The following FBRSL1 variants were observed in gnomAD, a reference collection of about 807,000 sequenced individuals.
FBRSL1 encodes the protein fibrosin like 1, also known as fibrosin-1-like protein.
A neutral mutation model predicts 89.6 loss-of-function variants in FBRSL1; 51 were observed. That is an observed-to-expected ratio of 0.57 (90% CI 0.45 to 0.72). The LOEUF (loss-of-function observed/expected upper bound fraction) is 0.72, where lower values mean the gene tolerates loss of function less well. FBRSL1 is among the 30% of genes least tolerant of loss of function. The pLI is 0.00. For missense variants in FBRSL1, 1,618 were observed against 1,451.8 expected (o/e 1.11, Z -1.86); for synonymous variants, 779 against 681.1 (o/e 1.14, Z -2.24).
chr12:132,572,469 G>C, intron 10 of FBRSL1, 58 bp from the exon 11 acceptor site: 1 of 1,493,134 alleles, frequency 6.7e-7, no homozygotes, highest in Non-Finnish European at 9.1e-7. Flanking sequence ...TCTGGTTACA[G>C]GCAGAGGGTG....
chr12:132,543,882 G>C (rs933382011), intron 4 of FBRSL1, among the ~76,000 whole-genome samples: 2 of 152,220 alleles, frequency 1.3e-5, no homozygotes, highest in African/African-American at 2.4e-5. Context: ...GGGGCAGATA[G>C]AGCTTCCCAG....
chr12:132,506,836 T>C (rs2033743472), intron 1 of FBRSL1, among the ~76,000 whole-genome samples: 1 of 152,124 alleles, frequency 6.6e-6, no homozygotes, highest in African/African-American at 2.4e-5. Context: ...GCAGAGAGCA[T>C]ATGGCGGGAG....
chr12:132,538,890 C>G (rs1404453883), intron 4 of FBRSL1, among the ~76,000 whole-genome samples: 2 of 152,134 alleles, frequency 1.3e-5, no homozygotes, highest in Admixed American at 1.3e-4. Context: ...CCTCCACCTC[C>G]CAGGACAGCG....
chr12:132,539,222 C>T (rs1447263192), intron 4 of FBRSL1, among the ~76,000 whole-genome samples: 4 of 152,054 alleles, frequency 2.6e-5, no homozygotes, highest in Admixed American at 6.5e-5. Flanking sequence ...GGGGAGCGGG[C>T]GGAGAGTGTC....
At chr12:132,548,577 C>G (rs1593441261) in intron 5 of FBRSL1, among the ~76,000 whole-genome samples, 1 of 152,358 alleles carries the variant, frequency 6.6e-6, no homozygotes, top group Non-Finnish European at 1.5e-5. Context: ...AGCCACGTCC[C>G]CTCAGCCTCG....
intron 5 of FBRSL1, among the ~76,000 whole-genome samples, chr12:132,560,676 T>G (rs2039046583): frequency 1.3e-5 from 2 of 152,144 alleles, no homozygotes; most frequent in Admixed American, 1.3e-4. Flanking sequence ...AAGCGCGCCC[T>G]GACCTCCGCC....
intron 2 of FBRSL1, chr12:132,511,984 ATGTGTCT>A: frequency 1.0e-6 from 1 of 985,478 alleles, no homozygotes; most frequent in Non-Finnish European, 1.2e-6. Flanking sequence ...ACAGACGAGC[ATGTGTCT>A]TACGTGATTT....
chr12:132,550,188 C>T (rs1397214463), intron 5 of FBRSL1, among the ~76,000 whole-genome samples: 1 of 150,894 alleles, frequency 6.6e-6, no homozygotes, highest in Non-Finnish European at 1.5e-5. Flanking sequence ...GCCACAGGTC[C>T]TGAGGAGGAC....
chr12:132,574,158 G>A lies in FBRSL1; in HGVS notation c.1599G>A (p.Gly533=). The A allele has an allele frequency of 2.1e-6, 3 of 1,421,126 alleles. No individual in the cohort carries two copies. The highest frequency in any genetic ancestry group is 1.5e-5 in the South Asian group (1 of 65,926). The allele number at this position is 1,421,126 out of a possible 1,614,324, so 88.0% of individuals were successfully genotyped here. A position where few individuals can be genotyped will look rare whatever the true frequency, so the allele number is the denominator to read the frequency against. ...ACACACTCCTGCAGAAAGCGCCTGG[G>A]GTAGGTGTTAGTGGGCGCCCGTCCC... ...AVHTLLQKAP[G]VSDPYRAVVK... Residue 533 remains glycine (G), a splice_region_variant and synonymous_variant, in exon 12 of 19, where the codon GGG becomes GGA. Transcript: ENST00000680143.
rs1158642057 is a variant in FBRSL1 at position 132,497,305 on chromosome 12, G to A, written c.291+6444G>A. Reference sequence around the variant, plus strand: ...GAGGGAGAGGTCATGGGACCACCTCGCTAGGAGTGGAGGCTGGGGGAGAGG... The same window carrying A: ...GAGGGAGAGGTCATGGGACCACCTCACTAGGAGTGGAGGCTGGGGGAGAGG... On this transcript the variant is annotated intron_variant, in intron 1 of 18. Transcript: ENST00000680143. Among the ~76,000 whole-genome samples the A allele has an allele frequency of 2.6e-5, 4 of 152,262 alleles. No individual in the cohort carries two copies. The South Asian group carries it at 6.2e-4, about 24-fold the overall frequency.
chr12:132,574,797 G>A (rs2040273150), intron 14 of FBRSL1, among the ~76,000 whole-genome samples: 1 of 152,148 alleles, frequency 6.6e-6, no homozygotes, highest in Non-Finnish European at 1.5e-5. Context: ...CCTCGGCAAG[G>A]TGTGCCGGCT....
chr12:132,533,233 T>C, intron 4 of FBRSL1, among the ~76,000 whole-genome samples: 2 of 122,884 alleles, frequency 1.6e-5, no homozygotes, highest in Admixed American at 8.5e-5. Context: ...CCAGCCACAG[T>C]CTCCTCCCGA....
At chr12:132,560,853 C>T (rs1037164373) in intron 5 of FBRSL1, among the ~76,000 whole-genome samples, 3 of 152,254 alleles carry the variant, frequency 2.0e-5, no homozygotes, top group African/African-American at 4.8e-5. Context: ...GCTGCTCGTG[C>T]CTGGGTCACG....
chr12:132,510,834 G>C, intron 2 of FBRSL1: 4 of 1,083,070 alleles, frequency 3.7e-6, no homozygotes, highest in Non-Finnish European at 4.5e-6. Context: ...GGGCCCCTCA[G>C]CGTCTTTCTG....
At chr12:132,512,495 C>T (rs1398886291) in intron 2 of FBRSL1, among the ~76,000 whole-genome samples, 10 of 152,244 alleles carry the variant, frequency 6.6e-5, no homozygotes, top group Admixed American at 6.5e-4. Flanking sequence ...GGTGCCATCT[C>T]AGAGTCACCC....
At position 132,572,592 on chromosome 12, in the gene FBRSL1, C is replaced by G; in HGVS notation, c.1500C>G (p.Phe500Leu). The stretch of plus-strand genomic sequence containing the variant: ...CCCTGCTCCCACACCCCGGCCCCTT[C>G]GGGTCCCTGCAGGGCGCTTTTCAGC... Reference protein sequence around the residue: ...LPTLLPHPGPFGSLQGAFQPK... With the variant: ...LPTLLPHPGPLGSLQGAFQPK... Residue 500 changes from phenylalanine to leucine, a missense_variant, in exon 11 of 19, where the codon TTC becomes TTG. Physicochemically the swap from Phe to Leu is conservative, Grantham distance 22. Coordinates refer to ENST00000680143, the MANE Select transcript of FBRSL1 (RefSeq NM_001367871.1). The G allele has an allele frequency of 6.4e-7, 1 of 1,551,084 alleles. No individual in the cohort carries two copies. Among genetic ancestry groups the G allele is most frequent in the Non-Finnish European group, 8.7e-7 (1 of 1,146,866 alleles).
intron 6 of FBRSL1, among the ~76,000 whole-genome samples, chr12:132,568,903 C>G (rs934282082): frequency 1.3e-5 from 2 of 152,002 alleles, no homozygotes; most frequent in African/African-American, 2.4e-5. Context: ...GGAGGAACTC[C>G]TTGAGGCCCC....
At position 132,490,295 on chromosome 12, in the gene FBRSL1, C is replaced by A. The variant is rs1340397046; in HGVS notation, c.-276C>A. 7.0e-6 allele frequency: 1 copy of A among 142,794 alleles called. No individual in the cohort carries two copies. Among genetic ancestry groups the A allele is most frequent in the Non-Finnish European group, 1.5e-5 (1 of 64,610 alleles). The allele number at this position is 142,794 out of a possible 1,614,324, so 8.8% of individuals were successfully genotyped here. On this transcript the variant is annotated 5_prime_UTR_variant, in exon 1 of 19. Coordinates refer to ENST00000680143, the MANE Select transcript of FBRSL1 (RefSeq NM_001367871.1). ...CCGCGCCGCGCGCATGGGGCGCGCCCCCGGGGGGGCGGCCGAGGGCCGCTG... is the reference window on the plus strand; with the variant it reads ...CCGCGCCGCGCGCATGGGGCGCGCCACCGGGGGGGCGGCCGAGGGCCGCTG...
chr12:132,517,023 C>T (rs77962600), intron 2 of FBRSL1, among the ~76,000 whole-genome samples: 10,958 of 152,298 alleles, frequency 0.072, 482 homozygotes, highest in Middle Eastern at 0.13. Flanking sequence ...CCTCCTGGGC[C>T]CAGCCTGGCT....
Sources: allele counts gnomAD v4.1 joint callset (sites outside exome capture counted in the v4.1 genomes callset), GRCh38; gene constraint gnomAD v4.1.1; transcripts MANE v1.5; gene names NCBI Gene and HGNC (gene_info 2026-07-23, HGNC 2026-07-21).